The following PXDN variants were observed in gnomAD, a reference collection of about 807,000 sequenced individuals.
The protein encoded by PXDN is peroxidasin, also known as peroxidasin homolog.
Under a neutral mutation model 140.3 loss-of-function variants are expected in PXDN, and 77 were observed. That is an observed-to-expected ratio of 0.55 (90% CI 0.46 to 0.66). The LOEUF (loss-of-function observed/expected upper bound fraction) is 0.66, where lower values mean the gene tolerates loss of function less well. Among genes scored for constraint, PXDN ranks in the 30% least tolerant of loss-of-function variants. PXDN has a pLI of 0.00. For synonymous variants in PXDN, 911 were observed against 857.4 expected (o/e 1.06, Z -1.09); for missense variants, 1,838 against 2,039.5 (o/e 0.90, Z 1.90).
rs1428164652 is a variant in PXDN at position 1,648,684 on chromosome 2, C to T, written c.3096G>A (p.Gln1032=). 1 of 1,608,074 alleles carries T rather than the reference C, an allele frequency of 6.2e-7. No individual in the cohort carries two copies. The highest frequency in any genetic ancestry group is 1.7e-5 in the Admixed American group (1 of 59,274). The change falls in exon 17 of 23, where the codon CAG becomes CAA. Residue 1032 remains glutamine, a synonymous_variant. Coordinates refer to ENST00000252804, the MANE Select transcript of PXDN (RefSeq NM_012293.3). The surrounding 1 kb of genome is among the most constrained non-coding windows in gnomAD (Gnocchi z 8.9). ...CCCCCAGGATCTTCGGGAGCCAGTG[C>T]TGGTAGGTGATGTGCTGGATCTCCG... ...VGAEIQHITY[Q]HWLPKILGEV... is the part of the protein sequence containing the mutation.
intron 1 of PXDN, among the ~76,000 whole-genome samples, chr2:1,707,667 C>T (rs115735286): frequency 0.016 from 2,451 of 152,248 alleles, 38 homozygotes; most frequent in Admixed American, 0.041. Context: ...GCAATAACTA[C>T]ACAGAAGAGG....
At chr2:1,680,697 G>C (rs996507149) in intron 6 of PXDN, among the ~76,000 whole-genome samples, 2 of 152,186 alleles carry the variant, frequency 1.3e-5, no homozygotes, top group Non-Finnish European at 2.9e-5. Context: ...CACAGGTCAG[G>C]GAAGTTTGTG....
At position 1,639,030 on chromosome 2, in the gene PXDN, CCGGGTCT is replaced by C. The variant is rs1348687015; in HGVS notation, c.4074-59_4074-53del. On this transcript the variant is annotated intron_variant, in intron 20 of 22. Transcript: ENST00000252804. The surrounding 1 kb of genome is among the most constrained non-coding windows in gnomAD (Gnocchi z 5.0). Reference sequence around the variant, plus strand: ...GGAAATATAACCTTGGCAGGTCACGCCGGGTCTCATTTCAAGGTTTCCTGGGTGTGCA... The same window carrying C: ...GGAAATATAACCTTGGCAGGTCACGCCATTTCAAGGTTTCCTGGGTGTGCA... 36 of 1,598,572 alleles carry C rather than the reference CCGGGTCT, an allele frequency of 2.3e-5. No homozygotes were observed. The highest frequency in any genetic ancestry group is 2.7e-5 in the African/African-American group (2 of 74,292).
At position 1,671,087 on chromosome 2, in the gene PXDN, T is replaced by TA. The variant is rs530097193; in HGVS notation, c.1018+2555dup. ...AACAAAATAATAATGTTTATAGGTT[T>TA]AAAAAAAAAACAGAACCAAGCACAT... On this transcript the variant is annotated intron_variant, in intron 9 of 22. Coordinates refer to ENST00000252804, the MANE Select transcript of PXDN (RefSeq NM_012293.3). 3.0e-3 allele frequency among the ~76,000 whole-genome samples: 451 copies of TA among 148,076 alleles called. 6 individuals carry two copies. Among genetic ancestry groups the TA allele is most frequent in the African/African-American group, 0.011 (427 of 40,308 alleles).
rs1684384677 is a variant in PXDN at position 1,699,953 on chromosome 2, C to A, written c.201-6819G>T. 2.6e-5 allele frequency among the ~76,000 whole-genome samples: 4 copies of A among 152,114 alleles called. No individual in the cohort carries two copies. The South Asian group carries it at 8.3e-4, about 32-fold the overall frequency. ...GGCCTATGTTTCTAACTAATAAGAG[C>A]CAGGGGTTACCTGCAAATATTCCCC... On this transcript the variant is annotated intron_variant, in intron 1 of 22. Transcript: ENST00000252804.
At chr2:1,640,125 C>A (rs1176435467) in intron 19 of PXDN, among the ~76,000 whole-genome samples, 1 of 148,322 alleles carries the variant, frequency 6.7e-6, no homozygotes, top group Non-Finnish European at 1.5e-5. Context: ...CCCTCCTGGT[C>A]CCCGGGTGAG....
intron 14 of PXDN, among the ~76,000 whole-genome samples, chr2:1,656,362 T>C (rs1895690): frequency 0.9 from 136,969 of 152,312 alleles, 61,657 homozygotes; most frequent in East Asian, 1. Context: ...ACATGAACCC[T>C]AATAAATCCA....
At chr2:1,743,693 AGGAGGAAG>A in intron 1 of PXDN, among the ~76,000 whole-genome samples, 3 of 25,656 alleles carry the variant, frequency 1.2e-4, no homozygotes, top group Admixed American at 3.7e-4. Context: ...GGGGAGGAGG[AGGAGGAAG>A]GGGAGGAGGA....
Position 1,735,541 on chromosome 2 carries a change from C to T in PXDN, c.200+8715G>A, listed in dbSNP as rs548500935. 2.6e-5 allele frequency among the ~76,000 whole-genome samples: 4 copies of T among 152,308 alleles called. No individual in the cohort carries two copies. The East Asian group carries it at 7.7e-4, about 29-fold the overall frequency. On this transcript the variant is annotated intron_variant, in intron 1 of 22. Coordinates refer to ENST00000252804, the MANE Select transcript of PXDN (RefSeq NM_012293.3). ...CTTGGGTGACGAGATGCATTGTAAACGAGCAGCAGTATTTTGAAAATAATC... is the reference window on the plus strand; with the variant it reads ...CTTGGGTGACGAGATGCATTGTAAATGAGCAGCAGTATTTTGAAAATAATC...
Position 1,643,459 on chromosome 2 carries a change from G to T in PXDN, c.3861C>A (p.Asp1287Glu), listed in dbSNP as rs754314063. The T allele has an allele frequency of 1.5e-5, 25 of 1,613,950 alleles. No individual in the cohort carries two copies. The highest frequency in any genetic ancestry group is 2.0e-5 in the Non-Finnish European group (24 of 1,179,898). ...NADNITRVQS[D>E]VFRVAEFPHG... Reference sequence around the variant, plus strand: ...GAGGGAACTCCGCCACCCTGAACACGTCGCTCTGCACCCGGGTGATGTTGT... The same window carrying T: ...GAGGGAACTCCGCCACCCTGAACACTTCGCTCTGCACCCGGGTGATGTTGT... The change falls in exon 19 of 23, where the codon GAC becomes GAA. Residue 1287 changes from aspartate to glutamate, a missense_variant. Asp to Glu is a conservative substitution (Grantham distance 45). Coordinates refer to ENST00000252804, the MANE Select transcript of PXDN (RefSeq NM_012293.3).
At chr2:1,654,998 A>G (rs1205930906) in intron 14 of PXDN, among the ~76,000 whole-genome samples, 1 of 151,984 alleles carries the variant, frequency 6.6e-6, no homozygotes, top group East Asian at 1.9e-4. Flanking sequence ...GACTTGTATC[A>G]TTACACAGGG....
chr2:1,685,277 G>A lies in PXDN; in HGVS notation c.417-1126C>T, dbSNP rs1042436375. ...GGTCTGTGCTCAGCACTCCGCGCAC[G>A]AATGGGAAACGTGAGGGAAGGAAAA... On this transcript the variant is annotated intron_variant, in intron 4 of 22. Transcript: ENST00000252804. The surrounding 1 kb of genome is among the most constrained non-coding windows in gnomAD (Gnocchi z 5.1). Among the ~76,000 whole-genome samples the A allele has an allele frequency of 3.9e-5, 6 of 152,222 alleles. No individual in the cohort carries two copies. Among genetic ancestry groups the A allele is most frequent in the East Asian group, 1.9e-4 (1 of 5,176 alleles).
chr2:1,722,285 C>G (rs1049889525), intron 1 of PXDN, among the ~76,000 whole-genome samples: 2 of 152,214 alleles, frequency 1.3e-5, no homozygotes, highest in Non-Finnish European at 2.9e-5. Flanking sequence ...CCAGCATGGC[C>G]GTTCCCTCAC....
chr2:1,655,790 C>T (rs907825485), intron 14 of PXDN, among the ~76,000 whole-genome samples: 55 of 147,822 alleles, frequency 3.7e-4, no homozygotes, highest in African/African-American at 1.4e-3. Flanking sequence ...GCACATTAAA[C>T]ACAGACACAC....
chr2:1,635,853 A>G (rs1292159944), intron 21 of PXDN: 1 of 366,520 alleles, frequency 2.7e-6, no homozygotes, highest in Non-Finnish European at 5.3e-6. Context: ...AACGATGATC[A>G]CTCAGAATCC....
chr2:1,688,521 C>T (rs147528173), intron 3 of PXDN, among the ~76,000 whole-genome samples: 46 of 152,332 alleles, frequency 3.0e-4, no homozygotes, highest in African/African-American at 1.1e-3. Flanking sequence ...CAAAACCATG[C>T]GCATTGTGCC....
Position 1,683,423 on chromosome 2 carries a change from A to T in PXDN, c.560+233T>A, listed in dbSNP as rs192017213. On this transcript the variant is annotated intron_variant, in intron 6 of 22. Coordinates refer to ENST00000252804, the MANE Select transcript of PXDN (RefSeq NM_012293.3). Reference sequence around the variant, plus strand: ...AGAGCAAGACCCTATCTGAAAAAAAATTTTTTTAAGTCTTAATTGCCTATC... The same window carrying T: ...AGAGCAAGACCCTATCTGAAAAAAATTTTTTTTAAGTCTTAATTGCCTATC... Among the ~76,000 whole-genome samples, 662 of 69,466 alleles carry T rather than the reference A, an allele frequency of 9.5e-3. 3 individuals carry two copies. Among genetic ancestry groups the T allele is most frequent in the African/African-American group, 0.023 (582 of 24,966 alleles). The allele number at this position is 69,466 out of a possible 152,430, so 45.6% of individuals were successfully genotyped here.
At chr2:1,742,650 A>G (rs1685572174) in intron 1 of PXDN, among the ~76,000 whole-genome samples, 1 of 152,258 alleles carries the variant, frequency 6.6e-6, no homozygotes, top group African/African-American at 2.4e-5. Flanking sequence ...CCACTGGCTC[A>G]GCAAGAATTA....
At chr2:1,636,431 T>G (rs952045588) in intron 21 of PXDN, 2 of 152,426 alleles carry the variant, frequency 1.3e-5, no homozygotes, top group African/African-American at 4.8e-5. Flanking sequence ...CAGCCATAAG[T>G]GTGTGGTCCC....
Sources: allele counts gnomAD v4.1 joint callset (sites outside exome capture counted in the v4.1 genomes callset), GRCh38; gene constraint gnomAD v4.1.1; non-coding constraint Gnocchi (gnomAD v3.1); transcripts MANE v1.5; gene names NCBI Gene and HGNC (gene_info 2026-07-23, HGNC 2026-07-21).